CAB39: variants seen among roughly 807,000 people sequenced by gnomAD.
The protein encoded by CAB39 is calcium binding protein 39.
In CAB39, 8 loss-of-function variants were observed where a neutral mutation model predicts 40.0. The observed-to-expected ratio is 0.20, with a 90% CI of 0.12 to 0.36. CAB39 has a LOEUF of 0.36. CAB39 is among the 10% of genes least tolerant of loss of function. The probability of loss-of-function intolerance (pLI) is 1.00; values close to 1 mark genes in which losing one functional copy is unlikely to be tolerated. For missense variants in CAB39, 270 were observed against 401.1 expected, an observed-to-expected ratio of 0.67 and a Z score of 2.79; for synonymous variants, 156 against 141.6, an observed-to-expected ratio of 1.10 and a Z score of -0.72.
chr2:230,726,698 C>G (rs1575901907), intron 1 of CAB39, among the ~76,000 whole-genome samples: 1 of 151,786 alleles, frequency 6.6e-6, no homozygotes, highest in Non-Finnish European at 1.5e-5. Flanking sequence ...TAAAATCATC[C>G]ATTTCTGTTC....
intron 2 of CAB39, among the ~76,000 whole-genome samples, chr2:230,777,599 G>A (rs1052247062): frequency 6.6e-6 from 1 of 151,594 alleles, no homozygotes; most frequent in African/African-American, 2.4e-5. Context: ...ATAGAGATGG[G>A]GTTTCACCAT....
chr2:230,749,379 T>A (rs374796801), intron 1 of CAB39, among the ~76,000 whole-genome samples: 1 of 152,258 alleles, frequency 6.6e-6, no homozygotes, highest in East Asian at 1.9e-4. Flanking sequence ...GAAGTCTTGG[T>A]TTCTTTTAGT....
At chr2:230,726,029 G>A (rs1405957035) in intron 1 of CAB39, among the ~76,000 whole-genome samples, 1 of 152,144 alleles carries the variant, frequency 6.6e-6, no homozygotes, top group South Asian at 2.1e-4. Context: ...AGATAAGGAT[G>A]GGGCAGGATA....
chr2:230,739,729 G>A (rs1694844467), intron 1 of CAB39, among the ~76,000 whole-genome samples: 1 of 152,152 alleles, frequency 6.6e-6, no homozygotes, highest in African/African-American at 2.4e-5. Context: ...CCCGACCTCG[G>A]GTGATCCGCC....
chr2:230,791,134 C>A, intron 3 of CAB39, 98 bp downstream of exon 3: 2 of 969,636 alleles, frequency 2.1e-6, no homozygotes, highest in Non-Finnish European at 3.0e-6. Context: ...TCCTTTTGGG[C>A]TCTTGGCTCA....
chr2:230,740,935 C>A (rs1484630442), intron 1 of CAB39, among the ~76,000 whole-genome samples: 1 of 152,268 alleles, frequency 6.6e-6, no homozygotes. Flanking sequence ...TGTGGTGTGA[C>A]TATTAAAACT....
intron 1 of CAB39, among the ~76,000 whole-genome samples, chr2:230,730,525 A>G (rs1469921835): frequency 1.3e-5 from 2 of 150,622 alleles, no homozygotes; most frequent in South Asian, 2.1e-4. Context: ...GCTCACTGCA[A>G]CCTCCGCCTC....
intron 2 of CAB39, among the ~76,000 whole-genome samples, chr2:230,782,817 T>TTTCTTTC (rs1479651223): frequency 2.8e-4 from 21 of 74,624 alleles, no homozygotes; most frequent in East Asian, 5.5e-4. Context: ...TTCTTTCTTT[T>TTTCTTTC]TTTTTTTTTT....
chr2:230,785,381 A>C (rs1013631511), intron 2 of CAB39, among the ~76,000 whole-genome samples: 2 of 10,126 alleles, frequency 2.0e-4, no homozygotes, highest in East Asian at 2.1e-3. Context: ...GCGCGTGGGC[A>C]GGGGGGCAGG....
intron 1 of CAB39, among the ~76,000 whole-genome samples, chr2:230,756,492 AG>A (rs1180212070): frequency 6.6e-6 from 1 of 152,200 alleles, no homozygotes; most frequent in East Asian, 1.9e-4. Flanking sequence ...CCTGAACATA[AG>A]AAACAAATTC....
intron 1 of CAB39, among the ~76,000 whole-genome samples, chr2:230,720,913 C>G (rs1024741184): frequency 2.0e-5 from 3 of 152,168 alleles, no homozygotes; most frequent in African/African-American, 7.2e-5. Context: ...TCCCATCTCT[C>G]TAGTTACAGT....
At chr2:230,772,450 T>C (rs560628014) in intron 2 of CAB39, among the ~76,000 whole-genome samples, 1 of 151,732 alleles carries the variant, frequency 6.6e-6, no homozygotes, top group East Asian at 1.9e-4. Context: ...TGTGGGAATA[T>C]AAGATGGTAT....
rs373562523 is a variant in CAB39, at chr2:230,769,851, G to A, written c.114+9736G>A. On this transcript the variant is annotated intron_variant, in intron 2 of 8. Transcript: ENST00000258418. ...AAAAAAAAAAAAAGGGCCGGGACTCGGGAGGCTGAGGTGGGAGGATCGCTT... is the reference window on the plus strand; with the variant it reads ...AAAAAAAAAAAAAGGGCCGGGACTCAGGAGGCTGAGGTGGGAGGATCGCTT... Among the ~76,000 whole-genome samples, 21 of 151,382 alleles carry A rather than the reference G, an allele frequency of 1.4e-4. 1 individual carries two copies. In the East Asian group the frequency reaches 1.7e-3, roughly 13 times the overall value.
At chr2:230,742,154 GT>G (rs1350946802) in intron 1 of CAB39, among the ~76,000 whole-genome samples, 2 of 136,602 alleles carry the variant, frequency 1.5e-5, no homozygotes, top group African/African-American at 5.6e-5. Flanking sequence ...TTTTTGTTTT[GT>G]TTTGTTTGTT....
chr2:230,784,132 G>T (rs1242741807), intron 2 of CAB39, among the ~76,000 whole-genome samples: 3 of 152,118 alleles, frequency 2.0e-5, no homozygotes, highest in Admixed American at 6.5e-5. Flanking sequence ...TAAATGGATG[G>T]ATTTGGGAGT....
At chr2:230,726,668 A>G (rs1380456595) in intron 1 of CAB39, among the ~76,000 whole-genome samples, 1 of 151,772 alleles carries the variant, frequency 6.6e-6, no homozygotes, top group Non-Finnish European at 1.5e-5. Flanking sequence ...AAGTGTAAAT[A>G]CCTTCTGTTT....
rs72995217 is a variant in CAB39, at chr2:230,776,036, A to C, written c.115-14836A>C. ...TGATTTTTAAGGTTTTTGGCAGGCA[A>C]AGTGTGAAAGGGAACAGAATTTGAA... On this transcript the variant is annotated intron_variant, in intron 2 of 8. Coordinates refer to ENST00000258418, the MANE Select transcript of CAB39 (RefSeq NM_016289.4). Among the ~76,000 whole-genome samples, 270 of 151,820 alleles carry C rather than the reference A, an allele frequency of 1.8e-3. 5 individuals are homozygous for C. Among genetic ancestry groups the C allele is most frequent in the Admixed American group, 4.6e-3 (70 of 15,222 alleles).
At chr2:230,797,265 G>A (rs1392970019) in intron 4 of CAB39, among the ~76,000 whole-genome samples, 3 of 152,160 alleles carry the variant, frequency 2.0e-5, no homozygotes, top group African/African-American at 7.2e-5. Flanking sequence ...AAGATTTGGA[G>A]TAAAGAAGGA....
At chr2:230,779,130 A>G (rs1049283761) in intron 2 of CAB39, 1 of 152,154 alleles carries the variant, frequency 6.6e-6, no homozygotes, top group Non-Finnish European at 1.5e-5. Flanking sequence ...GTAATTAAAG[A>G]TGAAGTTGTT....
Sources: allele counts gnomAD v4.1 joint callset (sites outside exome capture counted in the v4.1 genomes callset), GRCh38; gene constraint gnomAD v4.1.1; transcripts MANE v1.5; gene names NCBI Gene and HGNC (gene_info 2026-07-23, HGNC 2026-07-21).